Variants in DENND3 observed in about 807,000 individuals in gnomAD.
DENND3 encodes DENN domain-containing protein 3.
A neutral mutation model predicts 135.1 loss-of-function variants in DENND3; 88 were observed. The ratio of observed to expected loss-of-function variants is 0.65; its 90% confidence interval spans 0.55 to 0.78. The LOEUF is 0.78. DENND3 is among the 30% of genes least tolerant of loss of function. DENND3 has a pLI of 0.00. For missense variants in DENND3, 1,392 were observed against 1,688.4 expected (o/e 0.82, Z 3.08); for synonymous variants, 693 against 712.3 (o/e 0.97, Z 0.43).
rs563966964 is a variant in DENND3 at position 141,176,353 on chromosome 8, G to A, written c.2536-238G>A. The A allele has an allele frequency of 7.9e-5, 41 of 520,212 alleles. No homozygotes were observed. The Middle Eastern group carries it at 1.5e-3, about 19-fold the overall frequency. The allele number at this position is 520,212 out of a possible 1,614,324, so 32.2% of individuals were successfully genotyped here. On this transcript the variant is annotated intron_variant, in intron 14 of 22. Coordinates refer to ENST00000519811, the MANE Select transcript of DENND3 (RefSeq NM_001352890.3). ...GGATGTGAAAGAATGCGCTGCCTTC[G>A]GACACTGGGCGAGCCCAGCTGTGTG...
rs967248548 is a variant in DENND3, at chr8:141,175,654, G to A, written c.2535+195G>A. 3.9e-6 allele frequency: 3 copies of A among 773,604 alleles called. No individual in the cohort carries two copies. The highest frequency in any genetic ancestry group is 3.1e-5 in the South Asian group (2 of 64,758). The allele number at this position is 773,604 out of a possible 1,614,324, so 47.9% of individuals were successfully genotyped here. A position where few individuals can be genotyped will look rare whatever the true frequency, so the allele number is the denominator to read the frequency against. On this transcript the variant is annotated intron_variant, in intron 14 of 22. Coordinates refer to ENST00000519811, the MANE Select transcript of DENND3 (RefSeq NM_001352890.3). The surrounding 1 kb of genome is among the most constrained non-coding windows in gnomAD (Gnocchi z 5.4). Reference sequence around the variant, plus strand: ...GCTGATACCTTCTCAGTGGGTGGTGGAGATTGAATAGTTTGCATATGGAGC... The same window carrying A: ...GCTGATACCTTCTCAGTGGGTGGTGAAGATTGAATAGTTTGCATATGGAGC...
At position 141,180,806 on chromosome 8, in the gene DENND3, G is replaced by C. The variant is rs1822997080; in HGVS notation, c.2896G>C (p.Ala966Pro). 1 of 1,613,286 alleles carries C rather than the reference G, an allele frequency of 6.2e-7. No homozygotes were observed. The highest frequency in any genetic ancestry group is 8.5e-7 in the Non-Finnish European group (1 of 1,179,654). The change falls in exon 17 of 23, where the codon GCG (alanine) becomes CCG (proline). Residue 966 changes from alanine (A) to proline (P), a missense_variant. Physicochemically the swap from Ala to Pro is conservative, Grantham distance 27. Coordinates refer to ENST00000519811, the MANE Select transcript of DENND3 (RefSeq NM_001352890.3). ...ACTGAAGCATAAAATCAACCCCTCG[G>C]CGGGGGAGGCGTTCCCACAAGCGGT... ...ETLKHKINPS[A>P]GEAFPQAVDV...
At chr8:141,191,148 C>A (rs1346055316) in intron 20 of DENND3, 1 of 152,270 alleles carries the variant, frequency 6.6e-6, no homozygotes, top group African/African-American at 2.4e-5. Context: ...TCAAGACACG[C>A]AGCGTTTCCG....
chr8:141,183,096 G>A (rs1362171983), intron 17 of DENND3, among the ~76,000 whole-genome samples: 2 of 152,142 alleles, frequency 1.3e-5, no homozygotes, highest in Non-Finnish European at 2.9e-5. Context: ...GGTGGTAAAA[G>A]GCAAATGTGA....
chr8:141,171,985 A>G (rs916032139), intron 13 of DENND3, among the ~76,000 whole-genome samples: 5 of 143,612 alleles, frequency 3.5e-5, no homozygotes, highest in Non-Finnish European at 6.0e-5. Context: ...GTGGGTGTGC[A>G]TGGTGGTGGC....
chr8:141,132,914 A>T (rs1816302782), intron 1 of DENND3, among the ~76,000 whole-genome samples: 1 of 152,198 alleles, frequency 6.6e-6, no homozygotes, highest in South Asian at 2.1e-4. Flanking sequence ...AGTGTGAATG[A>T]GGAACGATAT....
At chr8:141,160,173 T>C (rs1023275971) in intron 8 of DENND3, among the ~76,000 whole-genome samples, 13 of 130,220 alleles carry the variant, frequency 1.0e-4, no homozygotes, top group African/African-American at 3.3e-4. Flanking sequence ...CTTCCAGCGA[T>C]GTATTTTTTT....
intron 15 of DENND3, chr8:141,177,783 G>A (rs1051422659): frequency 6.4e-6 from 2 of 313,002 alleles, no homozygotes; most frequent in African/African-American, 2.1e-5. Flanking sequence ...GCAGTGGCAG[G>A]CAGTGGGTGA....
Position 141,188,759 on chromosome 8 carries a change from C to T in DENND3, c.3085-227C>T, listed in dbSNP as rs202163004. 1.5e-4 allele frequency: 79 copies of T among 534,686 alleles called. No homozygotes were observed. In the Middle Eastern group the frequency reaches 2.8e-3, roughly 19 times the overall value. The allele number at this position is 534,686 out of a possible 1,614,324, so 33.1% of individuals were successfully genotyped here. On this transcript the variant is annotated intron_variant, in intron 18 of 22. Transcript: ENST00000519811. ...GTTTCGTGTTAATGAATCAATCATA[C>T]GTAGTCAATAAGGTGTCTGTGAACA... is the stretch of plus-strand genomic sequence containing the variant.
rs771245314 is a variant in DENND3, at chr8:141,190,394, T to C, written c.3356T>C (p.Leu1119Pro). The C allele has an allele frequency of 1.6e-5, 25 of 1,611,146 alleles. No homozygotes were observed. The highest frequency in any genetic ancestry group is 2.0e-5 in the Non-Finnish European group (24 of 1,179,428). ...CGAGGTGGCCTGACGTCCATCAGACTGCACGGCGGCCGCCTGTGGTGCTGT... is the reference window on the plus strand; with the variant it reads ...CGAGGTGGCCTGACGTCCATCAGACCGCACGGCGGCCGCCTGTGGTGCTGT... ...LPRGGLTSIR[L>P]HGGRLWCCTG... The change falls in exon 20 of 23, where the codon CTG becomes CCG. Residue 1119 changes from leucine (L) to proline (P), a missense_variant. Transcript: ENST00000519811.
intron 8 of DENND3, among the ~76,000 whole-genome samples, chr8:141,160,117 G>A (rs1394512105): frequency 6.6e-6 from 1 of 152,094 alleles, no homozygotes; most frequent in Non-Finnish European, 1.5e-5. Context: ...AGTCCAAGTC[G>A]AGGCCCATGT....
chr8:141,140,327 G>A (rs761767512), intron 3 of DENND3, among the ~76,000 whole-genome samples: 1 of 152,080 alleles, frequency 6.6e-6, no homozygotes, highest in African/African-American at 2.4e-5. Flanking sequence ...AGCTCCTCCC[G>A]GGCTACTGTA....
intron 1 of DENND3, among the ~76,000 whole-genome samples, chr8:141,131,783 T>C (rs188046612): frequency 2.2e-4 from 34 of 152,244 alleles, no homozygotes; most frequent in African/African-American, 7.5e-4. Context: ...AAAATGATGG[T>C]TATTGGGTAG....
rs182338418 is a variant in DENND3, at chr8:141,149,852, C to T, written c.736-982C>T. 1.3e-4 allele frequency among the ~76,000 whole-genome samples: 20 copies of T among 152,342 alleles called. 1 individual carries two copies. In the East Asian group the frequency reaches 3.9e-3, roughly 29 times the overall value. The stretch of plus-strand genomic sequence containing the variant: ...TGTTAGGAAGCAACGCTGGTGTCCC[C>T]ACCACCAAGAAATTACCACCTTTTC... On this transcript the variant is annotated intron_variant, in intron 5 of 22. Transcript: ENST00000519811.
chr8:141,155,673 C>G (rs1287808472), intron 7 of DENND3, among the ~76,000 whole-genome samples, 176 bp from the exon 8 acceptor site: 1 of 152,126 alleles, frequency 6.6e-6, no homozygotes, highest in Non-Finnish European at 1.5e-5. Flanking sequence ...TCTCAAAGTG[C>G]TGGGATTACA....
At chr8:141,177,758 C>T (rs1822579420) in intron 15 of DENND3, 2 of 272,414 alleles carry the variant, frequency 7.3e-6, no homozygotes, top group African/African-American at 2.2e-5. Flanking sequence ...AAATGTCCCT[C>T]GGTGCTCCCA....
intron 9 of DENND3, among the ~76,000 whole-genome samples, chr8:141,161,372 A>G (rs918618877): frequency 6.6e-6 from 1 of 152,166 alleles, no homozygotes; most frequent in African/African-American, 2.4e-5. Context: ...CTTTCTCCTC[A>G]TTCCACTAAT....
chr8:141,171,056 T>A (rs1366241086), intron 13 of DENND3, among the ~76,000 whole-genome samples: 2 of 152,204 alleles, frequency 1.3e-5, no homozygotes, highest in African/African-American at 4.8e-5. Flanking sequence ...CTGCTTGTGA[T>A]AATGCCATCA....
At chr8:141,145,842 TA>T (rs1818039714) in intron 5 of DENND3, among the ~76,000 whole-genome samples, 3 of 83,244 alleles carry the variant, frequency 3.6e-5, no homozygotes, top group African/African-American at 2.6e-4. Context: ...TATATATATA[TA>T]TATATATGTA....
Sources: gnomAD v4.1 joint callset for allele counts (sites outside exome capture counted in the v4.1 genomes callset) on GRCh38, gnomAD v4.1.1 for gene constraint, Gnocchi (gnomAD v3.1) non-coding constraint, MANE v1.5 for transcripts, NCBI Gene and HGNC (gene_info 2026-07-23, HGNC 2026-07-21) for gene names.